ZNF112: variants seen among roughly 807,000 people sequenced by gnomAD.
The protein encoded by ZNF112 is zinc finger protein 112.
ZNF112 carries 37 observed loss-of-function variants against 77.7 expected under a neutral mutation model. The observed-to-expected ratio is 0.48, with a 90% CI of 0.37 to 0.63. The LOEUF is 0.63. ZNF112 is among the 20% of genes least tolerant of loss of function. The probability of loss-of-function intolerance (pLI) is 0.00; values close to 1 mark genes in which losing one functional copy is unlikely to be tolerated. For synonymous variants in ZNF112, 333 were observed against 363.6 expected, an observed-to-expected ratio of 0.92 and a Z score of 0.96; for missense variants, 950 against 1,077.4, an observed-to-expected ratio of 0.88 and a Z score of 1.66.
chr19:44,340,296 A>G, intron 2 of ZNF112, 120 bp downstream of exon 2: 2 of 1,365,720 alleles, frequency 1.5e-6, no homozygotes, highest in African/African-American at 1.5e-5. Context: ...GGGGATTATT[A>G]GGACTCTCGG....
In ZNF112 at chr19:44,327,877, T is replaced by A. The variant is rs761189915; in HGVS notation, c.2280A>T (p.Ala760=). The A allele has an allele frequency of 6.2e-7, 1 of 1,613,262 alleles. No individual in the cohort carries two copies. The highest frequency in any genetic ancestry group is 1.1e-5 in the South Asian group (1 of 91,028). Residue 760 remains alanine (A), a synonymous_variant, in exon 4 of 4, where the codon GCA becomes GCT. Transcript: ENST00000354340. ...TCCCTCCTGTGTGAACCCTCCGATG[T>A]GCTTCAAGGCGCGAACTCTGACTAA... ...KGFSQSSRLE[A]HRRVHTGGKP...
intron 1 of ZNF112, among the ~76,000 whole-genome samples, chr19:44,350,103 T>C (rs1970665303): frequency 6.6e-6 from 1 of 152,046 alleles, no homozygotes; most frequent in Non-Finnish European, 1.5e-5. Flanking sequence ...AGTGTTAAAA[T>C]TGATAGTGGT....
chr19:44,332,674 G>T (rs1481519922), intron 3 of ZNF112, among the ~76,000 whole-genome samples: 3 of 152,148 alleles, frequency 2.0e-5, no homozygotes, highest in Non-Finnish European at 1.5e-5. Flanking sequence ...AAAGTAGCTT[G>T]TTAGTCAAAA....
intron 1 of ZNF112, among the ~76,000 whole-genome samples, chr19:44,353,113 T>C (rs539348872): frequency 1.3e-5 from 2 of 152,246 alleles, no homozygotes; most frequent in South Asian, 4.1e-4. Flanking sequence ...TATGATATCT[T>C]GGTACTGGTG....
intron 1 of ZNF112, chr19:44,343,125 C>A: frequency 1.2e-5 from 11 of 946,758 alleles, no homozygotes; most frequent in East Asian, 2.7e-5. Flanking sequence ...AAAGCAAGAG[C>A]CTGATACATA....
rs1970132668 is a variant in ZNF112 at position 44,326,914 on chromosome 19, A to C, written c.*519T>G. 1 of 154,434 alleles carries C rather than the reference A, an allele frequency of 6.5e-6. No individual in the cohort carries two copies. The highest frequency in any genetic ancestry group is 2.0e-4 in the South Asian group (1 of 5,022). The allele number at this position is 154,434 out of a possible 1,614,324, so 9.6% of individuals were successfully genotyped here. A position where few individuals can be genotyped will look rare whatever the true frequency, so the allele number is the denominator to read the frequency against. ...ATTAATGTTATTTCAGATCATCATA[A>C]TGCTTATTGTTCTACATTTCAAATA... is the stretch of plus-strand genomic sequence containing the variant. On this transcript the variant is annotated 3_prime_UTR_variant, in exon 4 of 4. Transcript: ENST00000354340.
chr19:44,337,879 C>T (rs1364433840), intron 2 of ZNF112, among the ~76,000 whole-genome samples: 1 of 130,532 alleles, frequency 7.7e-6, no homozygotes, highest in Non-Finnish European at 1.7e-5. Flanking sequence ...ACACACACAC[C>T]CTAGCTCTAT....
Position 44,343,327 on chromosome 19 carries a change from C to T in ZNF112, c.-3-2785G>A, listed in dbSNP as rs1241365275. ...CCTGAGAAGGCAGAACAGGGTAATA[C>T]GAAAGAAGCCATGATTAAAAGGGAA... On this transcript the variant is annotated intron_variant, in intron 1 of 3. Transcript: ENST00000354340. The T allele has an allele frequency of 7.0e-5, 108 of 1,541,078 alleles. 1 individual carries two copies. The highest frequency in any genetic ancestry group is 5.6e-4 in the Admixed American group (30 of 53,102).
At chr19:44,360,502 C>A (rs556042167), upstream of ZNF112, among the ~76,000 whole-genome samples, 94 of 151,964 alleles carry the variant, frequency 6.2e-4, no homozygotes, top group Non-Finnish European at 1.1e-3. Flanking sequence ...ATATTGAAAA[C>A]ATTTCCTCTA....
intron 1 of ZNF112, among the ~76,000 whole-genome samples, chr19:44,346,772 T>A (rs1970598083): frequency 6.6e-6 from 1 of 152,024 alleles, no homozygotes. Context: ...TTTGACACAG[T>A]TCCCGCTGCA....
At chr19:44,337,996 A>G (rs563725579) in intron 2 of ZNF112, among the ~76,000 whole-genome samples, 69 of 150,318 alleles carry the variant, frequency 4.6e-4, no homozygotes, top group African/African-American at 1.6e-3. Flanking sequence ...AAAAAAAAAA[A>G]AGATAATTCC....
intron 2 of ZNF112, among the ~76,000 whole-genome samples, chr19:44,338,434 G>T (rs867548248): frequency 3.3e-5 from 5 of 152,070 alleles, no homozygotes; most frequent in African/African-American, 1.2e-4. Flanking sequence ...TTATATAGTG[G>T]GGAAACTGCA....
Position 44,328,057 on chromosome 19 carries a change from T to C in ZNF112, c.2100A>G (p.Ser700=). 2 of 1,614,050 alleles carry C rather than the reference T, an allele frequency of 1.2e-6. No individual in the cohort carries two copies. Among genetic ancestry groups the C allele is most frequent in the South Asian group, 1.1e-5 (1 of 91,080 alleles). Residue 700 remains serine (S), a synonymous_variant, in exon 4 of 4, where the codon TCA becomes TCG. Coordinates refer to ENST00000354340, the MANE Select transcript of ZNF112 (RefSeq NM_013380.4). ...GGACACTCTGATGACTCTGAAGGTA[T>C]GATCTCTGACTGAAACTCTTACCAC... ...DECGKSFSQR[S]YLQSHQSVHS...
intron 1 of ZNF112, among the ~76,000 whole-genome samples, chr19:44,350,482 G>C (rs1970672031): frequency 6.6e-6 from 1 of 151,932 alleles, no homozygotes; most frequent in Admixed American, 6.6e-5. Context: ...GAATGACATT[G>C]GAAATTAGCT....
intron 1 of ZNF112, chr19:44,343,306 A>G (rs747456750): frequency 1.9e-6 from 3 of 1,605,862 alleles, no homozygotes; most frequent in Non-Finnish European, 1.7e-6. Flanking sequence ...CAGAGACCTG[A>G]GAAGGCAGAA....
At chr19:44,359,270 A>G (rs2356882), upstream of ZNF112, among the ~76,000 whole-genome samples, 1,141 of 141,510 alleles carry the variant, frequency 8.1e-3, 24 homozygotes, top group African/African-American at 0.029. Flanking sequence ...TGCTTGCTGC[A>G]GTTGCTATTT....
chr19:44,350,463 T>C (rs1970671662), intron 1 of ZNF112, among the ~76,000 whole-genome samples: 1 of 152,052 alleles, frequency 6.6e-6, no homozygotes. Context: ...TTACTATTGA[T>C]ATAATACTGA....
intron 1 of ZNF112, among the ~76,000 whole-genome samples, chr19:44,348,281 A>C (rs1336394627): frequency 1.3e-5 from 2 of 152,066 alleles, no homozygotes; most frequent in Non-Finnish European, 2.9e-5. Context: ...CCAAACAAAC[A>C]CTTCTCTCCT....
chr19:44,355,939 CCTT>C (rs1207711943), intron 1 of ZNF112, among the ~76,000 whole-genome samples: 2 of 152,190 alleles, frequency 1.3e-5, no homozygotes, highest in Non-Finnish European at 2.9e-5. Flanking sequence ...GTCATTCCCT[CCTT>C]CTCCCTGCAG....
Sources: allele counts gnomAD v4.1 joint callset (sites outside exome capture counted in the v4.1 genomes callset), GRCh38; gene constraint gnomAD v4.1.1; transcripts MANE v1.5; gene names NCBI Gene and HGNC (gene_info 2026-07-23, HGNC 2026-07-21).